The following ATP6V1H variants were observed in gnomAD, a reference collection of about 807,000 sequenced individuals.
The protein encoded by ATP6V1H is V-type proton ATPase subunit H.
Under a neutral mutation model 71.7 loss-of-function variants are expected in ATP6V1H, and 39 were observed. That is an observed-to-expected ratio of 0.54 (90% confidence interval 0.42 to 0.71). The LOEUF is 0.71. Among genes scored for constraint, ATP6V1H ranks in the 30% least tolerant of loss-of-function variants. The probability of loss-of-function intolerance (pLI) is 0.00; values close to 1 mark genes in which losing one functional copy is unlikely to be tolerated. For synonymous variants in ATP6V1H, 192 were observed against 199.3 expected, an observed-to-expected ratio of 0.96 and a Z score of 0.31; for missense variants, 509 against 594.9, an observed-to-expected ratio of 0.86 and a Z score of 1.50.
At position 53,715,981 on chromosome 8, in the gene ATP6V1H, C is replaced by A. The variant is rs146320573; in HGVS notation, c.1435G>T (p.Ala479Ser). 12 of 1,607,384 alleles carry A rather than the reference C, an allele frequency of 7.5e-6. No individual in the cohort carries two copies. The highest frequency in any genetic ancestry group is 1.0e-5 in the Non-Finnish European group (12 of 1,177,752). Residue 479 changes from alanine (A) to serine (S), a missense_variant, in exon 14 of 14, where the codon GCT becomes TCT. Ala to Ser is a moderately conservative substitution (Grantham distance 99). This residue lies in a region of ATP6V1H where 212 missense variants were observed against 291.6 expected (regional missense o/e 0.73). Transcript: ENST00000359530. Reference sequence around the variant, plus strand: ...AGGCAGGCTTAGCTTCGGGCGGCAGCGGTCTGGGGCTGCTCGGACTGGAGC... The same window carrying A: ...AGGCAGGCTTAGCTTCGGGCGGCAGAGGTCTGGGGCTGCTCGGACTGGAGC... ...KQLQSEQPQT[A>S]AARS
At chr8:53,755,918 C>G (rs1259052966) in intron 12 of ATP6V1H, among the ~76,000 whole-genome samples, 2 of 135,060 alleles carry the variant, frequency 1.5e-5, no homozygotes, top group Admixed American at 7.4e-5. Context: ...CCACTACGCC[C>G]GGCTAATTTT....
chr8:53,798,925 G>C (rs535532201), intron 8 of ATP6V1H, among the ~76,000 whole-genome samples: 2 of 152,120 alleles, frequency 1.3e-5, no homozygotes, highest in South Asian at 4.1e-4. Context: ...AAATACTAAG[G>C]TACTAGCCAT....
In ATP6V1H at chr8:53,761,179, T is replaced by C. The variant is rs1408891041; in HGVS notation, c.1176-4523A>G. On this transcript the variant is annotated intron_variant, in intron 11 of 13. Coordinates refer to ENST00000359530, the MANE Select transcript of ATP6V1H (RefSeq NM_015941.4). ...GTGAAACCCTGTCTCTACTAAAAAA[T>C]AGAAAAAATTAGCTGGGTGTGGTGG... Among the ~76,000 whole-genome samples, 8 of 151,490 alleles carry C rather than the reference T, an allele frequency of 5.3e-5. No individual in the cohort carries two copies. The East Asian group carries it at 5.8e-4, about 11-fold the overall frequency.
intron 8 of ATP6V1H, among the ~76,000 whole-genome samples, chr8:53,800,424 G>A (rs1351379084): frequency 1.3e-5 from 2 of 152,142 alleles, no homozygotes; most frequent in African/African-American, 2.4e-5. Context: ...ACAATTATTA[G>A]ATTATTCAGA....
intron 13 of ATP6V1H, among the ~76,000 whole-genome samples, chr8:53,718,555 A>T (rs578241265): frequency 6.6e-6 from 1 of 152,084 alleles, no homozygotes; most frequent in African/African-American, 2.4e-5. Context: ...ATGCCTGGCT[A>T]ATTTTTGTAT....
intron 10 of ATP6V1H, among the ~76,000 whole-genome samples, chr8:53,771,014 T>C (rs1316035740): frequency 6.6e-6 from 1 of 152,240 alleles, no homozygotes; most frequent in African/African-American, 2.4e-5. Context: ...CTGGGAAATC[T>C]TTGGGCCTTG....
intron 9 of ATP6V1H, among the ~76,000 whole-genome samples, chr8:53,772,580 T>C (rs181475425): frequency 6.6e-6 from 1 of 152,288 alleles, no homozygotes; most frequent in East Asian, 1.9e-4. Flanking sequence ...GTTCCCAGTC[T>C]GTCACCATTT....
intron 2 of ATP6V1H, among the ~76,000 whole-genome samples, chr8:53,836,116 G>A (rs1328634046): frequency 2.6e-5 from 4 of 152,102 alleles, no homozygotes; most frequent in Non-Finnish European, 5.9e-5. Context: ...GCACCCTGGG[G>A]TAGACTAAAA....
chr8:53,835,467 A>G (rs1811130082), intron 2 of ATP6V1H, among the ~76,000 whole-genome samples: 2 of 151,964 alleles, frequency 1.3e-5, no homozygotes, highest in Non-Finnish European at 2.9e-5. Context: ...CCTTAACCCC[A>G]CCCTCTTCCA....
chr8:53,729,676 C>T (rs1046179351), intron 13 of ATP6V1H, among the ~76,000 whole-genome samples: 3 of 152,188 alleles, frequency 2.0e-5, no homozygotes, highest in Non-Finnish European at 2.9e-5. Context: ...ATTACATTCC[C>T]GGCATATCCA....
At chr8:53,781,296 G>A (rs1009883135) in intron 9 of ATP6V1H, among the ~76,000 whole-genome samples, 3 of 152,190 alleles carry the variant, frequency 2.0e-5, no homozygotes, top group African/African-American at 7.2e-5. Flanking sequence ...GGCCAGTGAT[G>A]ATGAGCATTT....
chr8:53,831,261 A>C (rs1256822639), intron 3 of ATP6V1H, among the ~76,000 whole-genome samples: 3 of 152,220 alleles, frequency 2.0e-5, no homozygotes, highest in Non-Finnish European at 2.9e-5. Flanking sequence ...GGTAGTGTCT[A>C]CTACATACCT....
At chr8:53,724,396 C>T (rs896662012) in intron 13 of ATP6V1H, among the ~76,000 whole-genome samples, 1 of 152,074 alleles carries the variant, frequency 6.6e-6, no homozygotes, top group Non-Finnish European at 1.5e-5. Flanking sequence ...TCTCCTTCTT[C>T]CTCAATAACA....
At chr8:53,819,111 TGGGA>T (rs1810549121) in intron 4 of ATP6V1H, among the ~76,000 whole-genome samples, 1 of 150,844 alleles carries the variant, frequency 6.6e-6, no homozygotes, top group Non-Finnish European at 1.5e-5. Context: ...GAGACGGAGG[TGGGA>T]GGATCACTTG....
intron 5 of ATP6V1H, 64 bp downstream of exon 5, chr8:53,817,353 C>T (rs1292654842): frequency 2.7e-6 from 3 of 1,119,876 alleles, no homozygotes; most frequent in Non-Finnish European, 3.9e-6. Context: ...GCCTGGACAA[C>T]ATAGTGAGAC....
At position 53,801,670 on chromosome 8, in the gene ATP6V1H, G is replaced by C. The variant is rs191124923; in HGVS notation, c.677+129C>G. 3.0e-5 allele frequency: 22 copies of C among 743,850 alleles called. No individual in the cohort carries two copies. In the East Asian group the frequency reaches 6.3e-4, roughly 21 times the overall value. 46.1% of individuals were successfully genotyped at this position (743,850 alleles called of 1,614,324 possible). A position where few individuals can be genotyped will look rare whatever the true frequency, so the allele number is the denominator to read the frequency against. The stretch of plus-strand genomic sequence containing the variant: ...TAGTTACTAACTTCTAAAAAGCTTA[G>C]CATAGTCAATTGTTAAACAGATATG... On this transcript the variant is annotated intron_variant, in intron 8 of 13. Transcript: ENST00000359530.
chr8:53,819,797 A>G (rs1304571755), intron 4 of ATP6V1H, among the ~76,000 whole-genome samples: 2 of 146,790 alleles, frequency 1.4e-5, no homozygotes, highest in Non-Finnish European at 3.0e-5. Context: ...TGCTTTGTAT[A>G]CAAAGTATAT....
intron 9 of ATP6V1H, among the ~76,000 whole-genome samples, chr8:53,794,519 C>T (rs1453477469): frequency 3.9e-5 from 6 of 152,224 alleles, no homozygotes; most frequent in Admixed American, 2.6e-4. Context: ...GCACATGACA[C>T]CACGCCCAGC....
intron 10 of ATP6V1H, among the ~76,000 whole-genome samples, chr8:53,771,250 C>T (rs150216719): frequency 2.6e-5 from 4 of 152,280 alleles, no homozygotes; most frequent in African/African-American, 9.6e-5. Context: ...GGCTCCAAAC[C>T]CCAATCCACC....
Sources: gnomAD v4.1 joint callset for allele counts (sites outside exome capture counted in the v4.1 genomes callset) on GRCh38, gnomAD v4.1.1 for gene constraint, gnomAD v4.1.1 regional missense constraint, MANE v1.5 for transcripts, NCBI Gene and HGNC (gene_info 2026-07-23, HGNC 2026-07-21) for gene names.